The following SLC5A4 variants were observed in gnomAD, a reference collection of about 807,000 sequenced individuals.
The protein encoded by SLC5A4 is solute carrier family 5 member 4.
A neutral mutation model predicts 70.3 loss-of-function variants in SLC5A4; 55 were observed. The observed-to-expected ratio is 0.78, with a 90% CI of 0.63 to 0.98. The LOEUF (loss-of-function observed/expected upper bound fraction) is 0.98. Ranked by LOEUF, SLC5A4 falls within the 50% of genes least tolerant of loss-of-function variation. The probability of loss-of-function intolerance (pLI) is 0.00; values close to 1 mark genes in which losing one functional copy is unlikely to be tolerated. For missense variants in SLC5A4, 735 were observed against 839.2 expected (o/e 0.88, Z 1.53); for synonymous variants, 268 against 305.7 (o/e 0.88, Z 1.29).
the SLC5A4 span, among the ~76,000 whole-genome samples, chr22:32,338,207 C>T: frequency 6.6e-6 from 1 of 152,080 alleles, no homozygotes; most frequent in East Asian, 1.9e-4. Context: ...ACAAGAACAC[C>T]AAGGAACTGA....
chr22:32,223,367 G>T (rs1015473506), intron 13 of SLC5A4, among the ~76,000 whole-genome samples: 1 of 152,022 alleles, frequency 6.6e-6, no homozygotes, highest in Non-Finnish European at 1.5e-5. Flanking sequence ...CTACCCAATT[G>T]CTTTACTATA....
At chr22:32,305,340 T>G in the SLC5A4 span, among the ~76,000 whole-genome samples, 2 of 130,728 alleles carry the variant, frequency 1.5e-5, no homozygotes, top group Non-Finnish European at 1.6e-5. Context: ...CTAATCCTTG[T>G]GCCTCTGTTG....
At chr22:32,293,379 C>A in the SLC5A4 span, among the ~76,000 whole-genome samples, 2 of 151,790 alleles carry the variant, frequency 1.3e-5, no homozygotes, top group East Asian at 3.9e-4. Context: ...TTTTTGTTTT[C>A]TTCTTTTGGA....
the SLC5A4 span, among the ~76,000 whole-genome samples, chr22:32,314,758 A>G: frequency 6.6e-6 from 1 of 152,200 alleles, no homozygotes; most frequent in Non-Finnish European, 1.5e-5. Flanking sequence ...GAGGCCTCAC[A>G]ATCATGGTGA....
chr22:32,249,264 C>T (rs984210422), intron 3 of SLC5A4, among the ~76,000 whole-genome samples: 1 of 152,204 alleles, frequency 6.6e-6, no homozygotes, highest in African/African-American at 2.4e-5. Flanking sequence ...ATCACTTACG[C>T]TGCTCTCAGC....
the SLC5A4 span, among the ~76,000 whole-genome samples, chr22:32,284,325 CAT>C: frequency 6.6e-6 from 1 of 152,198 alleles, no homozygotes; most frequent in African/African-American, 2.4e-5. Flanking sequence ...TATCTATTGC[CAT>C]ATAACAAACC....
At chr22:32,273,291 C>T in the SLC5A4 span, 2 of 268,326 alleles carry the variant, frequency 7.5e-6, no homozygotes, top group Admixed American at 4.7e-5. Context: ...AGAAGATAAT[C>T]CAGACCTGTG....
At chr22:32,287,017 G>A in the SLC5A4 span, among the ~76,000 whole-genome samples, 2 of 152,082 alleles carry the variant, frequency 1.3e-5, no homozygotes, top group African/African-American at 2.4e-5. Flanking sequence ...TGAGAGAGAC[G>A]GGGGAGCAAA....
the SLC5A4 span, among the ~76,000 whole-genome samples, chr22:32,314,923 A>T: frequency 6.6e-6 from 1 of 152,160 alleles, no homozygotes; most frequent in African/African-American, 2.4e-5. Flanking sequence ...CCCATGATTC[A>T]ATTACCTCCC....
the SLC5A4 span, among the ~76,000 whole-genome samples, chr22:32,328,631 AGCC>A: frequency 6.6e-6 from 1 of 152,188 alleles, no homozygotes; most frequent in Non-Finnish European, 1.5e-5. Context: ...CCATAGTCTC[AGCC>A]AATGCTTTGA....
At chr22:32,305,171 A>T in the SLC5A4 span, among the ~76,000 whole-genome samples, 1 of 151,808 alleles carries the variant, frequency 6.6e-6, no homozygotes, top group Non-Finnish European at 1.5e-5. Flanking sequence ...TTTTAAAAAA[A>T]TTTCTCCAGT....
chr22:32,306,790 T>TGTCTGCACAAATAA, the SLC5A4 span, among the ~76,000 whole-genome samples: 1 of 152,318 alleles, frequency 6.6e-6, no homozygotes, highest in South Asian at 2.1e-4. Flanking sequence ...CTGCACATTG[T>TGTCTGCACAAATAA]CCAGACACTG....
At chr22:32,340,850 T>TA in the SLC5A4 span, among the ~76,000 whole-genome samples, 4 of 152,048 alleles carry the variant, frequency 2.6e-5, no homozygotes, top group South Asian at 8.3e-4. Flanking sequence ...CGTCTTGACT[T>TA]AATGTTTTTA....
the SLC5A4 span, among the ~76,000 whole-genome samples, chr22:32,286,384 T>C: frequency 5.9e-5 from 9 of 152,168 alleles, no homozygotes; most frequent in African/African-American, 2.2e-4. Context: ...TCCCTTTCCA[T>C]GACATTCACT....
chr22:32,317,938 C>G, the SLC5A4 span, among the ~76,000 whole-genome samples: 1 of 152,208 alleles, frequency 6.6e-6, no homozygotes, highest in Non-Finnish European at 1.5e-5. Context: ...GGCTTTTCTT[C>G]CAACTTCTCT....
chr22:32,344,756 T>C, the SLC5A4 span, among the ~76,000 whole-genome samples: 1 of 152,156 alleles, frequency 6.6e-6, no homozygotes, highest in Non-Finnish European at 1.5e-5. Context: ...ATACAGTATA[T>C]TTTACAGTTA....
At chr22:32,323,345 G>A in the SLC5A4 span, among the ~76,000 whole-genome samples, 1 of 152,190 alleles carries the variant, frequency 6.6e-6, no homozygotes, top group Admixed American at 6.5e-5. Flanking sequence ...TCAGGAGCCT[G>A]TATGTTCCCC....
Position 32,224,111 on chromosome 22 carries a change from A to G in SLC5A4, c.1665+156T>C, listed in dbSNP as rs559310966. 9.5e-3 allele frequency among the ~76,000 whole-genome samples: 1,441 copies of G among 152,200 alleles called. 7 individuals are homozygous for G. Among genetic ancestry groups the G allele is most frequent in the African/African-American group, 0.018 (766 of 41,522 alleles). On this transcript the variant is annotated intron_variant, in intron 13 of 14. Transcript: ENST00000266086. ...AATTTTTTGTATTTTTAGTAGAGAC[A>G]AGGTTTCACCGTGTTAACCAGGATG...
chr22:32,230,939 G>C, intron 10 of SLC5A4, 29 bp downstream of exon 10: 1 of 1,417,828 alleles, frequency 7.1e-7, no homozygotes, highest in Non-Finnish European at 1.0e-6. Context: ...CAGGCCTCTG[G>C]GGCTGTCCCA....
Sources: allele counts gnomAD v4.1 joint callset (sites outside exome capture counted in the v4.1 genomes callset), GRCh38; gene constraint gnomAD v4.1.1; transcripts MANE v1.5; gene names NCBI Gene and HGNC (gene_info 2026-07-23, HGNC 2026-07-21).